GAL3ST1: variants seen among roughly 807,000 people sequenced by gnomAD.
GAL3ST1 encodes galactose-3-O-sulfotransferase 1.
In GAL3ST1, 13 loss-of-function variants were observed where a neutral mutation model predicts 25.0. The observed-to-expected ratio is 0.52, with a 90% CI of 0.34 to 0.83. The LOEUF (loss-of-function observed/expected upper bound fraction) is 0.83. Ranked by LOEUF, GAL3ST1 falls within the 40% of genes least tolerant of loss-of-function variation. The pLI is 0.02. For synonymous variants in GAL3ST1, 274 were observed against 277.8 expected (o/e 0.99, Z 0.14); for missense variants, 474 against 613.6 (o/e 0.77, Z 2.40).
intron 1 of GAL3ST1, among the ~76,000 whole-genome samples, chr22:30,573,058 C>G (rs1038448653): frequency 6.6e-6 from 1 of 152,186 alleles, no homozygotes; most frequent in Non-Finnish European, 1.5e-5. Context: ...CCAGGAAGGG[C>G]TCTGCCTGAG....
At chr22:30,559,051 AG>A (rs2146360099) in intron 1 of GAL3ST1, among the ~76,000 whole-genome samples, 1 of 151,846 alleles carries the variant, frequency 6.6e-6, no homozygotes, top group East Asian at 2.0e-4. Flanking sequence ...CCAGTTACTC[AG>A]GAGGCTGAGG....
intron 1 of GAL3ST1, among the ~76,000 whole-genome samples, chr22:30,564,608 C>G (rs1451325000): frequency 1.3e-5 from 2 of 152,232 alleles, no homozygotes; most frequent in Non-Finnish European, 2.9e-5. Flanking sequence ...GTGCAGGCAG[C>G]TGGCAGCAGG....
chr22:30,559,535 G>A (rs1000478022), intron 1 of GAL3ST1, among the ~76,000 whole-genome samples: 5 of 152,032 alleles, frequency 3.3e-5, no homozygotes, highest in African/African-American at 1.2e-4. Context: ...CACCGCGCCT[G>A]GCCCATTTTT....
At chr22:30,561,964 AG>A (rs1441689530) in intron 1 of GAL3ST1, among the ~76,000 whole-genome samples, 3 of 152,188 alleles carry the variant, frequency 2.0e-5, no homozygotes, top group Non-Finnish European at 4.4e-5. Flanking sequence ...CTGTAATCAC[AG>A]GCAGAGCCCC....
chr22:30,557,610 C>A (rs2086121177), intron 2 of GAL3ST1: 2 of 500,560 alleles, frequency 4.0e-6, no homozygotes, highest in Non-Finnish European at 7.0e-6. Flanking sequence ...GTGGGTGAAG[C>A]AACTCAAAGA....
Position 30,557,335 on chromosome 22 carries a change from C to T in GAL3ST1, c.58G>A (p.Ala20Thr), listed in dbSNP as rs778200200. Residue 20 changes from alanine to threonine, a missense_variant, in exon 3 of 4, where the codon GCG (alanine) becomes ACG (threonine). Coordinates refer to ENST00000406361, the MANE Select transcript of GAL3ST1 (RefSeq NM_001318104.2). ...AGCAGCAGGAAACTAGTGAAGAGCG[C>T]GCCCAGCACCAGCCCCTTAGCCATG... is the stretch of plus-strand genomic sequence containing the variant. ...ESMAKGLVLG[A>T]LFTSFLLLVY... 3.2e-5 allele frequency: 51 copies of T among 1,614,056 alleles called. No individual in the cohort carries two copies. The highest frequency in any genetic ancestry group is 1.6e-4 in the Middle Eastern group (1 of 6,082).
At chr22:30,569,424 G>A (rs1180162315) in intron 1 of GAL3ST1, among the ~76,000 whole-genome samples, 1 of 152,140 alleles carries the variant, frequency 6.6e-6, no homozygotes, top group African/African-American at 2.4e-5. Context: ...TGGGTGACTG[G>A]CTGGCTGGAG....
rs766458216 is a variant in GAL3ST1, at chr22:30,555,830, C to T, written c.395G>A (p.Gly132Glu). Residue 132 changes from glycine (G) to glutamate (E), a missense_variant, in exon 4 of 4, where the codon GGG becomes GAG. Gly to Glu is a moderately conservative substitution (Grantham distance 98, BLOSUM62 -2). Coordinates refer to ENST00000406361, the MANE Select transcript of GAL3ST1 (RefSeq NM_001318104.2). The surrounding 1 kb of genome is among the most constrained non-coding windows in gnomAD (Gnocchi z 8.6). Reference sequence around the variant, plus strand: ...GTTGCAGATGATGTTGAAGCAGGCCCCGGGCCGATAGTCCTGCACCAGGCT... The same window carrying T: ...GTTGCAGATGATGTTGAAGCAGGCCTCGGGCCGATAGTCCTGCACCAGGCT... ...ARSLVQDYRP[G>E]ACFNIICNHM... is the part of the protein sequence containing the mutation. The T allele has an allele frequency of 3.1e-6, 5 of 1,614,056 alleles. No individual in the cohort carries two copies. In the Admixed American group the frequency reaches 5.0e-5, roughly 16 times the overall value.
chr22:30,567,921 G>A (rs2086672164), intron 1 of GAL3ST1, among the ~76,000 whole-genome samples: 1 of 152,138 alleles, frequency 6.6e-6, no homozygotes, highest in Non-Finnish European at 1.5e-5. Context: ...GACCTCAAGT[G>A]ATCCACCTGC....
intron 1 of GAL3ST1, among the ~76,000 whole-genome samples, chr22:30,561,966 G>A (rs1325173276): frequency 6.6e-6 from 1 of 152,202 alleles, no homozygotes; most frequent in Non-Finnish European, 1.5e-5. Flanking sequence ...GTAATCACAG[G>A]CAGAGCCCCT....
intron 1 of GAL3ST1, chr22:30,572,751 C>T (rs2146443918): frequency 6.6e-6 from 1 of 152,450 alleles, no homozygotes; most frequent in Admixed American, 6.5e-5. Context: ...TCCTGCTCTG[C>T]CCTGTTTGGA....
intron 1 of GAL3ST1, chr22:30,560,447 A>G (rs1375950076): frequency 6.6e-6 from 1 of 152,092 alleles, no homozygotes; most frequent in African/African-American, 2.4e-5. Context: ...CATAGTCATC[A>G]CTTAGAGTGT....
rs1382025020 is a variant in GAL3ST1 at position 30,555,562 on chromosome 22, G to A, written c.663C>T (p.Asp221=). Residue 221 remains aspartate, a synonymous_variant, in exon 4 of 4, where the codon GAC becomes GAT. Transcript: ENST00000406361. This position sits in a 1 kb window ranked among gnomAD's most constrained non-coding sequence, Gnocchi z 8.6. ...AHYLRNLLFF[D]LGYDNSLDPS... ...GGTCCAGGCTGTTGTCATAGCCCAG[G>A]TCGAAGAAGAGCAGGTTTCGGAGGT... 1.2e-6 allele frequency: 2 copies of A among 1,613,610 alleles called. No homozygotes were observed. The highest frequency in any genetic ancestry group is 3.3e-5 in the Admixed American group (2 of 60,030).
At chr22:30,569,075 CAAAAAAAAAA>C (rs66507126) in intron 1 of GAL3ST1, among the ~76,000 whole-genome samples, 1 of 86,190 alleles carries the variant, frequency 1.2e-5, no homozygotes, top group Admixed American at 1.3e-4. Context: ...GACTCCATCT[CAAAAAAAAAA>C]AAAAAAAAAA....
chr22:30,569,383 G>A (rs1169397606), intron 1 of GAL3ST1, among the ~76,000 whole-genome samples: 1 of 152,150 alleles, frequency 6.6e-6, no homozygotes, highest in Non-Finnish European at 1.5e-5. Flanking sequence ...ATTGGCAGCA[G>A]GTATGGAGGA....
rs1262724741 is a variant in GAL3ST1 at position 30,574,627 on chromosome 22, GCGCCGCGCC to G, written c.-290_-282del. ...CCGCTGCCGCGCCGCGCCCGCTCCC[GCGCCGCGCC>G]CGCTCCCGGCCAGGTGCCGCCGCCA... On this transcript the variant is annotated 5_prime_UTR_variant, in exon 1 of 4. Transcript: ENST00000406361. The G allele has an allele frequency of 4.9e-5, 7 of 141,540 alleles. No homozygotes were observed. Among genetic ancestry groups the G allele is most frequent in the African/African-American group, 1.8e-4 (7 of 38,586 alleles). 8.8% of individuals were successfully genotyped at this position (141,540 alleles called of 1,614,324 possible). A position where few individuals can be genotyped will look rare whatever the true frequency, so the allele number is the denominator to read the frequency against.
At chr22:30,571,240 C>A (rs1047975479) in intron 1 of GAL3ST1, among the ~76,000 whole-genome samples, 5 of 152,064 alleles carry the variant, frequency 3.3e-5, no homozygotes, top group Admixed American at 2.0e-4. Flanking sequence ...GCAGAAGGGG[C>A]GGATGGGATA....
At chr22:30,570,676 A>C (rs958344061) in intron 1 of GAL3ST1, among the ~76,000 whole-genome samples, 1 of 152,004 alleles carries the variant, frequency 6.6e-6, no homozygotes, top group South Asian at 2.1e-4. Context: ...CATGCCTTTA[A>C]TCCTAAGGCT....
intron 1 of GAL3ST1, among the ~76,000 whole-genome samples, chr22:30,568,124 C>T (rs753459416): frequency 2.6e-5 from 4 of 152,294 alleles, no homozygotes; most frequent in South Asian, 2.1e-4. Context: ...AGCTGTGAGG[C>T]GTGTGATGGA....
Sources: allele counts gnomAD v4.1 joint callset (sites outside exome capture counted in the v4.1 genomes callset), GRCh38; gene constraint gnomAD v4.1.1; non-coding constraint Gnocchi (gnomAD v3.1); transcripts MANE v1.5; gene names NCBI Gene and HGNC (gene_info 2026-07-23, HGNC 2026-07-21).